The following PTPRM variants were observed in gnomAD, a reference collection of about 807,000 sequenced individuals.
PTPRM encodes protein tyrosine phosphatase receptor type M.
PTPRM carries 47 observed loss-of-function variants against 186.7 expected under a neutral mutation model. That is an observed-to-expected ratio of 0.25 (90% CI 0.20 to 0.32). PTPRM has a LOEUF of 0.32. PTPRM is among the 10% of genes least tolerant of loss of function. PTPRM has a pLI of 1.00. For synonymous variants in PTPRM, 668 were observed against 674.9 expected (o/e 0.99, Z 0.16); for missense variants, 1,494 against 1,865.0 (o/e 0.80, Z 3.66).
chr18:8,321,173 G>T (rs1002873979), intron 22 of PTPRM, among the ~76,000 whole-genome samples: 1 of 152,130 alleles, frequency 6.6e-6, no homozygotes, highest in Non-Finnish European at 1.5e-5. Flanking sequence ...AACAGTTTTT[G>T]TAAATTCGTG....
intron 1 of PTPRM, among the ~76,000 whole-genome samples, chr18:7,577,375 A>T (rs1268620010): frequency 6.6e-6 from 1 of 152,234 alleles, no homozygotes; most frequent in Non-Finnish European, 1.5e-5. Flanking sequence ...TAGATTTATC[A>T]TGACTGTACT....
At chr18:7,943,170 C>G (rs1424306970) in intron 5 of PTPRM, among the ~76,000 whole-genome samples, 2 of 152,146 alleles carry the variant, frequency 1.3e-5, no homozygotes, top group Non-Finnish European at 2.9e-5. Flanking sequence ...GCTTTCCCCA[C>G]TCCTTTCTGA....
At chr18:7,785,013 C>T (rs1232522664) in intron 2 of PTPRM, among the ~76,000 whole-genome samples, 1 of 152,064 alleles carries the variant, frequency 6.6e-6, no homozygotes, top group Non-Finnish European at 1.5e-5. Flanking sequence ...GGTAGAAACG[C>T]CAGACAGAAG....
chr18:7,618,381 C>T (rs1158710889), intron 1 of PTPRM, among the ~76,000 whole-genome samples: 3 of 152,116 alleles, frequency 2.0e-5, no homozygotes, highest in African/African-American at 7.2e-5. Context: ...TTGAATAATA[C>T]ATTTTAAAAG....
At chr18:7,674,217 C>T (rs1192966880) in intron 1 of PTPRM, among the ~76,000 whole-genome samples, 5 of 152,050 alleles carry the variant, frequency 3.3e-5, no homozygotes, top group African/African-American at 7.2e-5. Flanking sequence ...CCTATGTCAT[C>T]GGTGTTGGGG....
At chr18:7,820,280 A>G (rs1479563996) in intron 2 of PTPRM, among the ~76,000 whole-genome samples, 5 of 152,138 alleles carry the variant, frequency 3.3e-5, no homozygotes, top group South Asian at 2.1e-4. Context: ...AGCTGCAAGG[A>G]GGGCCTGGCC....
intron 23 of PTPRM, among the ~76,000 whole-genome samples, chr18:8,346,643 A>G (rs1343955084): frequency 6.6e-6 from 1 of 152,184 alleles, no homozygotes; most frequent in African/African-American, 2.4e-5. Context: ...GAGTTTCCAC[A>G]TGTCAGGAGG....
chr18:8,219,730 A>G (rs1045418329), intron 14 of PTPRM, among the ~76,000 whole-genome samples: 91 of 152,222 alleles, frequency 6.0e-4, no homozygotes, highest in African/African-American at 2.1e-3. Flanking sequence ...TAAAGGAACA[A>G]AACTTGGTCT....
intron 14 of PTPRM, among the ~76,000 whole-genome samples, chr18:8,156,333 TAA>T (rs2093121526): frequency 6.6e-6 from 1 of 152,230 alleles, no homozygotes; most frequent in African/African-American, 2.4e-5. Context: ...CAGAGAATGA[TAA>T]GAGTCATGGC....
intron 2 of PTPRM, among the ~76,000 whole-genome samples, chr18:7,804,573 T>C (rs1372994203): frequency 1.3e-5 from 2 of 152,212 alleles, no homozygotes; most frequent in East Asian, 3.9e-4. Flanking sequence ...TGCTGTTCTC[T>C]GATTGTTCTC....
chr18:7,838,835 A>G (rs1262672861), intron 2 of PTPRM, among the ~76,000 whole-genome samples: 2 of 152,180 alleles, frequency 1.3e-5, no homozygotes, highest in Non-Finnish European at 2.9e-5. Context: ...TTAGAAGTTT[A>G]CCTGGTGTTC....
At chr18:8,045,208 C>T (rs1006672658) in intron 7 of PTPRM, among the ~76,000 whole-genome samples, 7 of 152,050 alleles carry the variant, frequency 4.6e-5, no homozygotes, top group Admixed American at 2.6e-4. Context: ...ATTAGCTGGA[C>T]GTGATGGCAT....
chr18:8,173,394 T>A (rs184510265), intron 14 of PTPRM, among the ~76,000 whole-genome samples: 27 of 152,378 alleles, frequency 1.8e-4, no homozygotes, highest in Admixed American at 1.6e-3. Context: ...AGCATCTATT[T>A]TGCTGTGTTA....
At chr18:8,145,994 G>C (rs1270699301) in intron 14 of PTPRM, among the ~76,000 whole-genome samples, 2 of 146,658 alleles carry the variant, frequency 1.4e-5, no homozygotes, top group Non-Finnish European at 1.5e-5. Context: ...TCAAGCATCT[G>C]TTGTTTCCTG....
At chr18:7,955,496 G>C in intron 7 of PTPRM, 82 bp downstream of exon 7, 1 of 1,482,862 alleles carries the variant, frequency 6.7e-7, no homozygotes. Context: ...CAGATGCCTA[G>C]CACGCTTCCC....
rs1300573371 is a variant in PTPRM, at chr18:7,960,480, T to TATATATACAC, written c.1132+5067_1132+5068insTATATACACA. Reference sequence around the variant, plus strand: ...ATATATATATATATATATATATATATACACACACACACACACACACACACA... The same window carrying TATATATACAC: ...ATATATATATATATATATATATATATATATATACACACACACACACACACACACACACACA... On this transcript the variant is annotated intron_variant, in intron 7 of 32. Transcript: ENST00000580170. 1.8e-3 allele frequency among the ~76,000 whole-genome samples: 155 copies of TATATATACAC among 86,588 alleles called. 4 individuals are homozygous for TATATATACAC. The highest frequency in any genetic ancestry group is 6.2e-3 in the African/African-American group (142 of 22,908). The allele number at this position is 86,588 out of a possible 152,430, so 56.8% of individuals were successfully genotyped here.
At chr18:7,722,113 CA>C (rs1555658607) in intron 1 of PTPRM, among the ~76,000 whole-genome samples, 1 of 152,172 alleles carries the variant, frequency 6.6e-6, no homozygotes, top group Non-Finnish European at 1.5e-5. Context: ...ATACATAAAA[CA>C]AGTTTTACTG....
intron 7 of PTPRM, among the ~76,000 whole-genome samples, chr18:8,000,570 A>G (rs2083810597): frequency 6.6e-6 from 1 of 152,208 alleles, no homozygotes; most frequent in Non-Finnish European, 1.5e-5. Flanking sequence ...TGCTTAGTTA[A>G]GCAAAGAGAT....
rs2091098106 is a variant in PTPRM, at chr18:8,098,056, G to A, written c.1856+9205G>A. Among the ~76,000 whole-genome samples the A allele has an allele frequency of 3.3e-5, 5 of 152,122 alleles. No individual in the cohort carries two copies. In the South Asian group the frequency reaches 1.0e-3, roughly 32 times the overall value. Reference sequence around the variant, plus strand: ...ATTCAGTAGAGTCACATACCATATAGCTCTGTAGCCTAGCAGCAATAGGCT... The same window carrying A: ...ATTCAGTAGAGTCACATACCATATAACTCTGTAGCCTAGCAGCAATAGGCT... On this transcript the variant is annotated intron_variant, in intron 11 of 32. Transcript: ENST00000580170.
Sources: gnomAD v4.1 joint callset for allele counts (sites outside exome capture counted in the v4.1 genomes callset) on GRCh38, gnomAD v4.1.1 for gene constraint, MANE v1.5 for transcripts, NCBI Gene and HGNC (gene_info 2026-07-23, HGNC 2026-07-21) for gene names.